The following JAK2 variants were observed in gnomAD, a reference collection of about 807,000 sequenced individuals.
The protein encoded by JAK2 is tyrosine-protein kinase JAK2.
A neutral mutation model predicts 139.3 loss-of-function variants in JAK2; 86 were observed. The ratio of observed to expected loss-of-function variants is 0.62; its 90% CI spans 0.52 to 0.74. JAK2 has a LOEUF of 0.74. Among genes scored for constraint, JAK2 ranks in the 30% least tolerant of loss-of-function variants. JAK2 has a pLI of 0.00. For synonymous variants in JAK2, 490 were observed against 437.7 expected (o/e 1.12, Z -1.49); for missense variants, 1,421 against 1,360.3 (o/e 1.04, Z -0.70).
At chr9:5,093,814 A>G (rs540099687) in intron 22 of JAK2, among the ~76,000 whole-genome samples, 64 of 152,314 alleles carry the variant, frequency 4.2e-4, no homozygotes, top group African/African-American at 1.4e-3. Context: ...CTAATGGTGT[A>G]GCCGCTATTA....
chr9:5,111,057 T>C (rs556759083), intron 22 of JAK2: 39 of 1,095,942 alleles, frequency 3.6e-5, no homozygotes, highest in Non-Finnish European at 4.5e-5. Flanking sequence ...GAGGTTCAGG[T>C]CTTGAGAACT....
chr9:4,989,962 T>C (rs1451866460), intron 2 of JAK2, among the ~76,000 whole-genome samples: 4 of 152,194 alleles, frequency 2.6e-5, no homozygotes, highest in Non-Finnish European at 5.9e-5. Flanking sequence ...AAGAGTTTGC[T>C]GAAATAAGTA....
chr9:5,103,336 A>G (rs1821682164), intron 22 of JAK2, among the ~76,000 whole-genome samples: 1 of 146,740 alleles, frequency 6.8e-6, no homozygotes, highest in South Asian at 2.1e-4. Context: ...GCCATTACAT[A>G]ATGGTAAAAG....
Position 5,044,253 on chromosome 9 carries a change from C to G in JAK2, c.351-150C>G, listed in dbSNP as rs778694697. The stretch of plus-strand genomic sequence containing the variant: ...CCTATATTAGTGTTATCCACATATC[C>G]TTTTGTCTCACATTTATATTTAATA... On this transcript the variant is annotated intron_variant, in intron 4 of 24. Coordinates refer to ENST00000381652, the MANE Select transcript of JAK2 (RefSeq NM_004972.4). 72 of 558,024 alleles carry G rather than the reference C, an allele frequency of 1.3e-4. No individual in the cohort carries two copies. In the Middle Eastern group the frequency reaches 1.4e-3, roughly 11 times the overall value. 34.6% of individuals were successfully genotyped at this position (558,024 alleles called of 1,614,324 possible).
chr9:5,062,650 T>G (rs1013511002), intron 8 of JAK2, among the ~76,000 whole-genome samples: 8 of 152,120 alleles, frequency 5.3e-5, no homozygotes, highest in African/African-American at 1.9e-4. Flanking sequence ...ATTTACAACT[T>G]TGATAGATTA....
At chr9:5,100,921 T>C (rs531961717) in intron 22 of JAK2, 5 of 152,380 alleles carry the variant, frequency 3.3e-5, no homozygotes, top group African/African-American at 1.2e-4. Flanking sequence ...CTTTACAAGA[T>C]GTCTGAATAG....
At chr9:5,029,700 T>C in intron 3 of JAK2, 83 bp from the exon 4 acceptor site, 4 of 1,273,006 alleles carry the variant, frequency 3.1e-6, no homozygotes, top group South Asian at 1.6e-5. Flanking sequence ...GTTGTTACTT[T>C]AGCTTCATTT....
chr9:5,054,545 G>T lies in JAK2; in HGVS notation c.615-18G>T. 1 of 1,537,542 alleles carries T rather than the reference G, an allele frequency of 6.5e-7. No homozygotes were observed. ...TTTGTTTTGTTTTGTTTTTCTGTATGTGCTTTTTTATCCCTAGCTACAAGA... is the reference window on the plus strand; with the variant it reads ...TTTGTTTTGTTTTGTTTTTCTGTATTTGCTTTTTTATCCCTAGCTACAAGA... On this transcript the variant is annotated intron_variant, in intron 6 of 24. Transcript: ENST00000381652. This position sits in a 1 kb window ranked among gnomAD's most constrained non-coding sequence, Gnocchi z 4.9.
intron 22 of JAK2, among the ~76,000 whole-genome samples, chr9:5,115,751 G>T (rs1823102857): frequency 6.6e-6 from 1 of 152,192 alleles, no homozygotes; most frequent in South Asian, 2.1e-4. Context: ...ATGAGTTCAT[G>T]TCCTTTGCAG....
chr9:5,115,877 G>C (rs1012543908), intron 22 of JAK2, among the ~76,000 whole-genome samples: 1 of 152,122 alleles, frequency 6.6e-6, no homozygotes, highest in Non-Finnish European at 1.5e-5. Context: ...TGGACACAGG[G>C]AGGGGAACAT....
chr9:5,066,612 A>C, intron 9 of JAK2, 66 bp from the exon 10 acceptor site: 1 of 874,428 alleles, frequency 1.1e-6, no homozygotes, highest in Non-Finnish European at 1.9e-6. Flanking sequence ...ATTGTTTTAG[A>C]TGACACTTGG....
intron 2 of JAK2, among the ~76,000 whole-genome samples, chr9:5,021,506 A>G (rs1050355562): frequency 3.3e-5 from 5 of 152,224 alleles, no homozygotes; most frequent in Admixed American, 2.0e-4. Context: ...TGTGCTTTGT[A>G]TGTAGTAATA....
intron 8 of JAK2, among the ~76,000 whole-genome samples, chr9:5,056,100 C>T (rs1177671964): frequency 6.6e-6 from 1 of 151,968 alleles, no homozygotes; most frequent in Non-Finnish European, 1.5e-5. Flanking sequence ...AATGCTCACC[C>T]CTGACTAAAA....
At chr9:5,108,832 C>T (rs1300907476) in intron 22 of JAK2, 2 of 152,136 alleles carry the variant, frequency 1.3e-5, no homozygotes, top group African/African-American at 2.4e-5. Context: ...CTAATCCAAA[C>T]CCCTTGAAGC....
At chr9:5,007,539 A>C (rs145540795) in intron 2 of JAK2, among the ~76,000 whole-genome samples, 1 of 152,048 alleles carries the variant, frequency 6.6e-6, no homozygotes, top group African/African-American at 2.4e-5. Flanking sequence ...AGGTATTAAG[A>C]ATAGCATAAA....
chr9:5,046,928 A>T, intron 5 of JAK2, among the ~76,000 whole-genome samples: 1 of 152,200 alleles, frequency 6.6e-6, no homozygotes, highest in Middle Eastern at 3.2e-3. Context: ...CAAACTATTC[A>T]TTCAGCTACT....
chr9:5,090,698 T>C (rs748321523), intron 21 of JAK2, 41 bp from the exon 22 acceptor site: 8 of 1,553,218 alleles, frequency 5.2e-6, no homozygotes, highest in East Asian at 4.5e-5. Flanking sequence ...AAATTGTTTA[T>C]ATTTATAAAA....
chr9:5,124,673 G>C (rs962028363), intron 23 of JAK2, among the ~76,000 whole-genome samples: 1 of 151,832 alleles, frequency 6.6e-6, no homozygotes, highest in African/African-American at 2.4e-5. Flanking sequence ...TAAGGCTACA[G>C]TAACCAAAGC....
intron 13 of JAK2, among the ~76,000 whole-genome samples, chr9:5,072,996 G>C (rs1383944853): frequency 6.6e-6 from 1 of 152,072 alleles, no homozygotes; most frequent in Non-Finnish European, 1.5e-5. Flanking sequence ...ACTGTACTAA[G>C]GAACATGCTT....
Sources: gnomAD v4.1 joint callset for allele counts (sites outside exome capture counted in the v4.1 genomes callset) on GRCh38, gnomAD v4.1.1 for gene constraint, Gnocchi (gnomAD v3.1) non-coding constraint, MANE v1.5 for transcripts, NCBI Gene and HGNC (gene_info 2026-07-23, HGNC 2026-07-21) for gene names.